WDR41: variants seen among roughly 807,000 people sequenced by gnomAD.
The protein encoded by WDR41 is WD repeat domain 41, also known as WD repeat-containing protein 41.
WDR41 carries 63 observed loss-of-function variants against 69.3 expected under a neutral mutation model. The ratio of observed to expected loss-of-function variants is 0.91; its 90% CI spans 0.74 to 1.12. The LOEUF (loss-of-function observed/expected upper bound fraction) is 1.12. Ranked by LOEUF, WDR41 falls within the 50% of genes most tolerant of loss-of-function variation. The pLI is 0.00. For synonymous variants in WDR41, 185 were observed against 192.1 expected (o/e 0.96, Z 0.31); for missense variants, 543 against 534.5 (o/e 1.02, Z -0.16).
At chr5:77,503,878 T>G (rs1802059935) in intron 1 of WDR41, among the ~76,000 whole-genome samples, 1 of 152,080 alleles carries the variant, frequency 6.6e-6, no homozygotes, top group African/African-American at 2.4e-5. Flanking sequence ...CTTAAAGCAG[T>G]GTGTAGAGGG....
upstream of WDR41, among the ~76,000 whole-genome samples, chr5:77,494,372 A>C (rs1053894781): frequency 3.3e-5 from 4 of 120,268 alleles, no homozygotes; most frequent in South Asian, 2.9e-4. Flanking sequence ...GCAGATTGAC[A>C]AAAAAAAACC....
At chr5:77,450,246 C>T (rs951288801) in intron 7 of WDR41, among the ~76,000 whole-genome samples, 2 of 152,200 alleles carry the variant, frequency 1.3e-5, no homozygotes, top group Non-Finnish European at 2.9e-5. Context: ...CTACTCATGT[C>T]TCTTACTCAT....
chr5:77,582,785 A>G, intron 1 of WDR41: 1 of 1,600,128 alleles, frequency 6.2e-7, no homozygotes, highest in Non-Finnish European at 8.5e-7. Flanking sequence ...AGGATTGTAG[A>G]GCCATATATA....
chr5:77,456,103 T>C (rs1799822939), intron 5 of WDR41, among the ~76,000 whole-genome samples: 1 of 152,210 alleles, frequency 6.6e-6, no homozygotes, highest in Non-Finnish European at 1.5e-5. Flanking sequence ...TCAGGATGTC[T>C]TTCCATTTAT....
Position 77,488,235 on chromosome 5 carries a change from C to T in WDR41, c.167+1222G>A, listed in dbSNP as rs149507960. Among the ~76,000 whole-genome samples, 544 of 152,248 alleles carry T rather than the reference C, an allele frequency of 3.6e-3. 3 individuals carry two copies. Among genetic ancestry groups the T allele is most frequent in the African/African-American group, 0.012 (505 of 41,540 alleles). ...AGACTATGCCCTTCATCTGTGGAATCTGACCTAAGTCCAGGTAATGTCAGA... is the reference window on the plus strand; with the variant it reads ...AGACTATGCCCTTCATCTGTGGAATTTGACCTAAGTCCAGGTAATGTCAGA... On this transcript the variant is annotated intron_variant, in intron 2 of 12. Coordinates refer to ENST00000296679, the MANE Select transcript of WDR41 (RefSeq NM_018268.4).
At chr5:77,609,913 A>T (rs1744510245) in intron 1 of WDR41, among the ~76,000 whole-genome samples, 1 of 152,134 alleles carries the variant, frequency 6.6e-6, no homozygotes, top group Non-Finnish European at 1.5e-5. Context: ...CTTTGAAAAA[A>T]ATTTAGACGA....
chr5:77,445,130 AC>A (rs1799327868), intron 8 of WDR41, among the ~76,000 whole-genome samples: 1 of 152,208 alleles, frequency 6.6e-6, no homozygotes, highest in Admixed American at 6.5e-5. Flanking sequence ...AATACAAACT[AC>A]CATCAGATAA....
chr5:77,506,650 A>G (rs1055768442), intron 1 of WDR41, among the ~76,000 whole-genome samples: 3 of 152,226 alleles, frequency 2.0e-5, no homozygotes, highest in Non-Finnish European at 4.4e-5. Context: ...ATGTCCATCA[A>G]TGATAGACAG....
At chr5:77,461,866 T>C (rs891550535) in intron 4 of WDR41, among the ~76,000 whole-genome samples, 16 of 152,060 alleles carry the variant, frequency 1.1e-4, no homozygotes, top group Admixed American at 6.6e-5. Flanking sequence ...TGACAACCTC[T>C]TTTAAAAAAA....
At chr5:77,443,868 A>C (rs1037506115) in intron 8 of WDR41, among the ~76,000 whole-genome samples, 1 of 141,830 alleles carries the variant, frequency 7.1e-6, no homozygotes, top group Non-Finnish European at 1.5e-5. Context: ...CATTCAGCTC[A>C]ATCAGCACTT....
At chr5:77,517,074 A>T (rs1485110823) in intron 1 of WDR41, among the ~76,000 whole-genome samples, 2 of 152,096 alleles carry the variant, frequency 1.3e-5, no homozygotes, top group Non-Finnish European at 1.5e-5. Flanking sequence ...GTTTTCCAGA[A>T]GTTGCCACAG....
At chr5:77,460,882 G>A (rs932093747) in intron 4 of WDR41, among the ~76,000 whole-genome samples, 11 of 152,060 alleles carry the variant, frequency 7.2e-5, no homozygotes, top group Non-Finnish European at 1.2e-4. Flanking sequence ...TTCAGATTAG[G>A]GATGCTCAAC....
At chr5:77,446,518 G>C (rs1799386652) in intron 8 of WDR41, among the ~76,000 whole-genome samples, 1 of 152,050 alleles carries the variant, frequency 6.6e-6, no homozygotes, top group Non-Finnish European at 1.5e-5. Flanking sequence ...TTACCTGACT[G>C]CAAACTATAT....
intron 1 of WDR41, among the ~76,000 whole-genome samples, chr5:77,617,526 A>G (rs1176449065): frequency 1.3e-5 from 2 of 152,260 alleles, no homozygotes; most frequent in East Asian, 3.8e-4. Context: ...ATAAACAGGT[A>G]ATATTTAAAA....
At chr5:77,525,788 T>C (rs918463111) in intron 1 of WDR41, among the ~76,000 whole-genome samples, 2 of 152,086 alleles carry the variant, frequency 1.3e-5, no homozygotes, top group African/African-American at 2.4e-5. Context: ...TTTGAGCTCA[T>C]TTAGGACAAT....
At chr5:77,610,258 C>T (rs535095332) in intron 1 of WDR41, among the ~76,000 whole-genome samples, 2 of 152,270 alleles carry the variant, frequency 1.3e-5, no homozygotes, top group African/African-American at 4.8e-5. Flanking sequence ...AGAACTTCCC[C>T]AATCTAGCAA....
At chr5:77,468,140 G>A (rs1179424688) in intron 2 of WDR41, among the ~76,000 whole-genome samples, 1 of 152,046 alleles carries the variant, frequency 6.6e-6, no homozygotes, top group African/African-American at 2.4e-5. Flanking sequence ...GTTTAACAAA[G>A]ACCTATGGCA....
At chr5:77,583,797 G>C (rs1428753003) in intron 1 of WDR41, among the ~76,000 whole-genome samples, 1 of 151,892 alleles carries the variant, frequency 6.6e-6, no homozygotes, top group African/African-American at 2.4e-5. Flanking sequence ...ACCAGACAAA[G>C]ACATCACAGG....
At chr5:77,574,953 T>C (rs1218490925) in intron 1 of WDR41, among the ~76,000 whole-genome samples, 6 of 152,176 alleles carry the variant, frequency 3.9e-5, no homozygotes, top group African/African-American at 1.4e-4. Context: ...CATAAAATTA[T>C]GCACAACTAG....
Sources: gnomAD v4.1 joint callset for allele counts (sites outside exome capture counted in the v4.1 genomes callset) on GRCh38, gnomAD v4.1.1 for gene constraint, MANE v1.5 for transcripts, NCBI Gene and HGNC (gene_info 2026-07-23, HGNC 2026-07-21) for gene names.